Variants in GIT1 observed in about 807,000 individuals in gnomAD.
The protein encoded by GIT1 is ARF GTPase-activating protein GIT1.
GIT1 carries 14 observed loss-of-function variants against 91.7 expected under a neutral mutation model. The observed-to-expected ratio is 0.15, with a 90% CI of 0.10 to 0.24. The LOEUF (loss-of-function observed/expected upper bound fraction) is 0.24. GIT1 is among the 10% of genes least tolerant of loss of function. The pLI, the probability that GIT1 is intolerant of heterozygous loss-of-function variation, is 1.00. For missense variants in GIT1, 717 were observed against 1,024.9 expected (o/e 0.70, Z 4.10); for synonymous variants, 414 against 418.2 (o/e 0.99, Z 0.12).
At position 29,575,773 on chromosome 17, in the gene GIT1, C is replaced by T. The variant is rs1234542025; in HGVS notation, c.1752+39G>A. 2 of 1,607,834 alleles carry T rather than the reference C, an allele frequency of 1.2e-6. No individual in the cohort carries two copies. The highest frequency in any genetic ancestry group is 1.7e-5 in the Admixed American group (1 of 59,926). ...CCACACTGCCCCTAGCCCACACGGC[C>T]CCCAGCCACCCTGTGGGCACTGGGC... On this transcript the variant is annotated intron_variant, in intron 16 of 19. Coordinates refer to ENST00000225394, the MANE Select transcript of GIT1 (RefSeq NM_014030.4). This position sits in a 1 kb window ranked among gnomAD's most constrained non-coding sequence, Gnocchi z 5.5.
At chr17:29,588,816 G>A (rs1327153749) in intron 1 of GIT1, among the ~76,000 whole-genome samples, 1 of 152,208 alleles carries the variant, frequency 6.6e-6, no homozygotes, top group African/African-American at 2.4e-5. Flanking sequence ...TGCTCCTGAG[G>A]AGACGGTATT....
chr17:29,586,097 G>A (rs758959842), intron 1 of GIT1, among the ~76,000 whole-genome samples: 15 of 152,202 alleles, frequency 9.9e-5, no homozygotes, highest in South Asian at 8.3e-4. Flanking sequence ...GAAGGCAGGC[G>A]AGAGTAGTCC....
chr17:29,587,914 C>A (rs1045446581), intron 1 of GIT1, among the ~76,000 whole-genome samples: 3 of 152,176 alleles, frequency 2.0e-5, no homozygotes, highest in Admixed American at 1.3e-4. Flanking sequence ...CTCAGCCCTG[C>A]CATCCCCAGA....
At chr17:29,579,135 C>A in intron 7 of GIT1, 3 of 688,976 alleles carry the variant, frequency 4.4e-6, no homozygotes, top group Non-Finnish European at 7.9e-6. Context: ...ATTCATCTCA[C>A]CGCGTCCCCC....
chr17:29,577,165 T>G lies in GIT1; in HGVS notation c.1064A>C (p.Gln355Pro). 1 of 1,613,920 alleles carries G rather than the reference T, an allele frequency of 6.2e-7. No individual in the cohort carries two copies. The highest frequency in any genetic ancestry group is 1.3e-5 in the African/African-American group (1 of 75,048). ...IDILSEAKRR[Q>P]QGKSLSSPTD... ...GGGGCTGCTCAGGCTCTTGCCCTGC[T>G]GTCTCCGCTTGGCCTCACTGAGAAT... The change falls in exon 11 of 20, where the codon CAG becomes CCG. Residue 355 changes from glutamine (Q) to proline (P), a missense_variant. Around this residue, in one of 3 missense-constraint regions of GIT1, gnomAD observed 312 missense variants for 349.5 expected, o/e 0.89. Transcript: ENST00000225394.
intron 9 of GIT1, among the ~76,000 whole-genome samples, 182 bp downstream of exon 9, chr17:29,578,117 C>T (rs910432149): frequency 1.5e-4 from 23 of 152,312 alleles, no homozygotes; most frequent in African/African-American, 5.1e-4. Context: ...AGCCGCCTCC[C>T]CCTCAGCACT....
rs1199528238 is a variant in GIT1 at position 29,580,024 on chromosome 17, C to T, written c.762-1245G>A. ...CTGCCTCCCATGCTGTGCTCCAGCC[C>T]GGGGGCTGCCTCCATTCCCATGCAG... On this transcript the variant is annotated intron_variant, in intron 7 of 19. Coordinates refer to ENST00000225394, the MANE Select transcript of GIT1 (RefSeq NM_014030.4). Among the ~76,000 whole-genome samples, 4 of 152,086 alleles carry T rather than the reference C, an allele frequency of 2.6e-5. No individual in the cohort carries two copies. The South Asian group carries it at 8.3e-4, about 32-fold the overall frequency.
Position 29,582,939 on chromosome 17 carries a change from G to C in GIT1, c.285C>G (p.Pro95=), listed in dbSNP as rs2033452925. The change falls in exon 3 of 20, where the codon CCC becomes CCG. Residue 95 remains proline (P), a synonymous_variant. Transcript: ENST00000225394. Reference sequence around the variant, plus strand: ...GCCCCACTCACTGGACTTTGTCTTGGGGGTTGGCTTTACGCCGGCCGCTCT... The same window carrying C: ...GCCCCACTCACTGGACTTTGTCTTGCGGGTTGGCTTTACGCCGGCCGCTCT... ...QVQSGRRKAN[P]QDKVHPIKSE... 1.2e-6 allele frequency: 2 copies of C among 1,610,252 alleles called. No individual in the cohort carries two copies. Among genetic ancestry groups the C allele is most frequent in the Non-Finnish European group, 8.5e-7 (1 of 1,177,816 alleles).
At chr17:29,580,119 G>A (rs1166255058) in intron 7 of GIT1, among the ~76,000 whole-genome samples, 4 of 152,134 alleles carry the variant, frequency 2.6e-5, no homozygotes, top group Non-Finnish European at 5.9e-5. Flanking sequence ...ACCTGGCTAG[G>A]CTGCCTCCCC....
Position 29,589,310 on chromosome 17 carries a change from G to T in GIT1, c.52+17C>A. The T allele has an allele frequency of 9.8e-7, 1 of 1,018,086 alleles. No individual in the cohort carries two copies. Among genetic ancestry groups the T allele is most frequent in the South Asian group, 3.9e-5 (1 of 25,894 alleles). The allele number at this position is 1,018,086 out of a possible 1,614,324, so 63.1% of individuals were successfully genotyped here. On this transcript the variant is annotated intron_variant, in intron 1 of 19. Transcript: ENST00000225394. The surrounding 1 kb of genome is among the most constrained non-coding windows in gnomAD (Gnocchi z 5.2). ...GGCCTGGCTGTGCGGTCCCGCCCCC[G>T]GCCCCGCCGCGCTTACCCGGGGCGC...
rs749227660 is a variant in GIT1, at chr17:29,577,148, T to A, written c.1081A>T (p.Ser361Cys). The A allele has an allele frequency of 1.2e-6, 2 of 1,613,684 alleles. No homozygotes were observed. Among genetic ancestry groups the A allele is most frequent in the Middle Eastern group, 1.7e-4 (1 of 6,060 alleles). ...AKRRQQGKSL[S>C]SPTDNLELSL... ...ACAACCCTCCCACCTGTGGGGCTGC[T>A]CAGGCTCTTGCCCTGCTGTCTCCGC... is the stretch of plus-strand genomic sequence containing the variant. The change falls in exon 11 of 20, where the codon AGC becomes TGC. Residue 361 changes from serine to cysteine, a missense_variant. This residue lies in a region of GIT1 where 312 missense variants were observed against 349.5 expected (regional missense o/e 0.89). Transcript: ENST00000225394.
chr17:29,576,450 T>G lies in GIT1; in HGVS notation c.1381A>C (p.Ile461Leu). 6.2e-7 allele frequency: 1 copy of G among 1,612,668 alleles called. No homozygotes were observed. Among genetic ancestry groups the G allele is most frequent in the South Asian group, 1.1e-5 (1 of 91,040 alleles). Residue 461 changes from isoleucine (I) to leucine (L), a missense_variant and splice_region_variant, in exon 14 of 20, where the codon ATC becomes CTC. Ile to Leu is a conservative substitution (Grantham distance 5). Coordinates refer to ENST00000225394, the MANE Select transcript of GIT1 (RefSeq NM_014030.4). ...SDELRRLQRE[I>L]HKLQAENLQL... ...AGGTTCTCCGCCTGCAGCTTGTGGA[T>G]CTATGGGTGCAAAGTGCTGTCAACC...
intron 7 of GIT1, among the ~76,000 whole-genome samples, chr17:29,580,730 C>T (rs2033367607): frequency 6.6e-6 from 1 of 152,014 alleles, no homozygotes; most frequent in Admixed American, 6.5e-5. Context: ...TGGGACAGAA[C>T]CCAGTGGCCC....
At chr17:29,576,726 C>A in intron 12 of GIT1, 52 bp from the exon 13 acceptor site, 1 of 1,607,188 alleles carries the variant, frequency 6.2e-7, no homozygotes, top group Non-Finnish European at 8.5e-7. Flanking sequence ...GAGGCCAACA[C>A]CCGCAGGGGG....
Position 29,576,235 on chromosome 17 carries a change from C to T in GIT1, c.1596G>A (p.Gln532=), listed in dbSNP as rs777724627. 7 of 1,608,226 alleles carry T rather than the reference C, an allele frequency of 4.4e-6. No individual in the cohort carries two copies. The South Asian group carries it at 6.6e-5, about 15-fold the overall frequency. The change falls in exon 14 of 20, where the codon CAG becomes CAA. Residue 532 remains glutamine, a synonymous_variant. Transcript: ENST00000225394. ...GGTGACTCACAGTGCTGTGGAAAGG[C>T]TGCAGCCGCGTAGTGAGCTCGTCCC... ...PPGDELTTRL[Q]PFHSTELEDD...
rs2033154993 is a variant in GIT1, at chr17:29,575,391, C to G, written c.1906G>C (p.Asp636His). The G allele has an allele frequency of 6.2e-7, 1 of 1,613,396 alleles. No homozygotes were observed. Among genetic ancestry groups the G allele is most frequent in the African/African-American group, 1.3e-5 (1 of 74,914 alleles). ...TCCTCTGTGCTGGGAAGCCCAGGAT[C>G]TAGGTCTCCATCCAGGCTTTCCAGC... Reference protein sequence around the residue: ...PELESLDGDLDPGLPSTEDVI... With the variant: ...PELESLDGDLHPGLPSTEDVI... Residue 636 changes from aspartate to histidine, a missense_variant, in exon 18 of 20, where the codon GAT becomes CAT. Transcript: ENST00000225394. This position sits in a 1 kb window ranked among gnomAD's most constrained non-coding sequence, Gnocchi z 5.5.
intron 4 of GIT1, 110 bp downstream of exon 4, chr17:29,582,588 T>A: frequency 1.4e-6 from 1 of 740,694 alleles, no homozygotes; most frequent in South Asian, 1.6e-5. Context: ...TACCCTGACC[T>A]GGCTGCCTTT....
In GIT1 at chr17:29,576,119, C is replaced by T. The variant is rs374985717; in HGVS notation, c.1624G>A (p.Asp542Asn). 3.1e-6 allele frequency: 5 copies of T among 1,613,654 alleles called. No homozygotes were observed. Among genetic ancestry groups the T allele is most frequent in the African/African-American group, 2.7e-5 (2 of 74,924 alleles). The change falls in exon 15 of 20, where the codon GAC (aspartate) becomes AAC (asparagine). Residue 542 changes from aspartate to asparagine, a missense_variant. Transcript: ENST00000225394. ...GGGACGTGCACTGAATAGATGGCGT[C>T]GTCCTCTAGCTCCTGGGGATGTTAG... ...QPFHSTELED[D>N]AIYSVHVPAG...
Position 29,583,151 on chromosome 17 carries a change from CTA to C in GIT1, c.187-116_187-115del, listed in dbSNP as rs2033461494. 5 of 712,916 alleles carry C rather than the reference CTA, an allele frequency of 7.0e-6. No homozygotes were observed. The East Asian group carries it at 1.4e-4, about 19-fold the overall frequency. 44.2% of individuals were successfully genotyped at this position (712,916 alleles called of 1,614,324 possible). A position where few individuals can be genotyped will look rare whatever the true frequency, so the allele number is the denominator to read the frequency against. On this transcript the variant is annotated intron_variant, in intron 2 of 19. Transcript: ENST00000225394. Reference sequence around the variant, plus strand: ...TAGCTGGAAACGGTACCAAGGGGGCCTACTGTGTGCCCGCACCACCACACCTC... The same window carrying C: ...TAGCTGGAAACGGTACCAAGGGGGCCCTGTGTGCCCGCACCACCACACCTC...
Sources: allele counts gnomAD v4.1 joint callset (sites outside exome capture counted in the v4.1 genomes callset), GRCh38; gene constraint gnomAD v4.1.1; regional missense constraint gnomAD v4.1.1; non-coding constraint Gnocchi (gnomAD v3.1); transcripts MANE v1.5; gene names NCBI Gene and HGNC (gene_info 2026-07-23, HGNC 2026-07-21).